Variants in SLC35F3 observed in about 807,000 individuals in gnomAD.
SLC35F3 encodes solute carrier family 35 member F3, also known as putative thiamine transporter SLC35F3.
A neutral mutation model predicts 49.9 loss-of-function variants in SLC35F3; 25 were observed. The observed-to-expected ratio is 0.50, with a 90% CI of 0.37 to 0.70. SLC35F3 has a LOEUF of 0.70. Among genes scored for constraint, SLC35F3 ranks in the 30% least tolerant of loss-of-function variants. The pLI, the probability that SLC35F3 is intolerant of heterozygous loss-of-function variation, is 0.00. For missense variants in SLC35F3, 525 were observed against 639.8 expected (o/e 0.82, Z 1.94); for synonymous variants, 275 against 265.4 (o/e 1.04, Z -0.35).
At chr1:234,045,791 TTG>T (rs1479901151) in intron 2 of SLC35F3, among the ~76,000 whole-genome samples, 1 of 152,040 alleles carries the variant, frequency 6.6e-6, no homozygotes, top group African/African-American at 2.4e-5. Context: ...CTATTGTAAA[TTG>T]TGTGTTTATC....
At position 234,165,478 on chromosome 1, in the gene SLC35F3, G is replaced by A. The variant is rs144929908; in HGVS notation, c.284-65939G>A. On this transcript the variant is annotated intron_variant, in intron 2 of 7. Transcript: ENST00000366618. ...ATTCAAAAGAATTCAACATGAACAAGTTATACATTAGAAAATATATTCATA... is the reference window on the plus strand; with the variant it reads ...ATTCAAAAGAATTCAACATGAACAAATTATACATTAGAAAATATATTCATA... Among the ~76,000 whole-genome samples, 134 of 152,284 alleles carry A rather than the reference G, an allele frequency of 8.8e-4. 2 individuals are homozygous for A. The East Asian group carries it at 0.022, about 25-fold the overall frequency.
intron 3 of SLC35F3, among the ~76,000 whole-genome samples, chr1:234,258,691 A>AGGTTG (rs1238355779): frequency 6.6e-6 from 1 of 152,246 alleles, no homozygotes; most frequent in Non-Finnish European, 1.5e-5. Flanking sequence ...AATGAGCAAG[A>AGGTTG]GGTTGTGAGG....
At chr1:234,019,181 T>C (rs1413697853) in intron 2 of SLC35F3, among the ~76,000 whole-genome samples, 1 of 152,142 alleles carries the variant, frequency 6.6e-6, no homozygotes, top group Non-Finnish European at 1.5e-5. Flanking sequence ...GGTAGTGAAC[T>C]CACTATCACT....
In SLC35F3 at chr1:234,323,041, A is replaced by T; in HGVS notation, c.1271A>T (p.Asn424Ile). Residue 424 changes from asparagine to isoleucine, a missense_variant, in exon 8 of 8, where the codon AAT becomes ATT. Physicochemically the swap from Asn to Ile is moderately radical, Grantham distance 149. Transcript: ENST00000366618. This position sits in a 1 kb window ranked among gnomAD's most constrained non-coding sequence, Gnocchi z 4.5. The stretch of plus-strand genomic sequence containing the variant: ...CACTACACCAGTCAGATCGTCTTCA[A>T]TGGGGTCCGGGTCATCGCCATCATC... ...IDHYTSQIVFNGVRVIAIIII... is the reference protein window; with the variant it reads ...IDHYTSQIVFIGVRVIAIIII... 1 of 1,614,018 alleles carries T rather than the reference A, an allele frequency of 6.2e-7. No individual in the cohort carries two copies. The highest frequency in any genetic ancestry group is 8.5e-7 in the Non-Finnish European group (1 of 1,180,022).
At chr1:234,215,526 A>T (rs1032657991) in intron 2 of SLC35F3, among the ~76,000 whole-genome samples, 1 of 152,134 alleles carries the variant, frequency 6.6e-6, no homozygotes, top group Non-Finnish European at 1.5e-5. Flanking sequence ...GCTCCCCTCT[A>T]GGCTTTTGCT....
intron 2 of SLC35F3, among the ~76,000 whole-genome samples, chr1:234,158,612 A>G (rs1666184852): frequency 6.6e-6 from 1 of 152,182 alleles, no homozygotes; most frequent in African/African-American, 2.4e-5. Context: ...CTAGTTTTTC[A>G]TGATCATAAG....
At chr1:233,923,406 G>A (rs1278890526) in intron 2 of SLC35F3, among the ~76,000 whole-genome samples, 1 of 152,146 alleles carries the variant, frequency 6.6e-6, no homozygotes, top group Non-Finnish European at 1.5e-5. Flanking sequence ...TCTCTTTGAA[G>A]CAATTGTGAA....
intron 2 of SLC35F3, among the ~76,000 whole-genome samples, chr1:233,960,008 C>A (rs1487483511): frequency 6.6e-6 from 1 of 152,148 alleles, no homozygotes; most frequent in African/African-American, 2.4e-5. Context: ...AGTGTGTTTC[C>A]TCTTCAGCAC....
intron 2 of SLC35F3, among the ~76,000 whole-genome samples, chr1:234,032,288 A>T (rs6693516): frequency 0.24 from 35,808 of 151,928 alleles, 8,555 homozygotes; most frequent in African/African-American, 0.6. Flanking sequence ...TTCACCATTG[A>T]ACTTGTGGTA....
intron 2 of SLC35F3, among the ~76,000 whole-genome samples, chr1:233,951,437 A>G (rs1377902324): frequency 6.6e-6 from 1 of 151,890 alleles, no homozygotes; most frequent in East Asian, 1.9e-4. Flanking sequence ...TGCCCTCTAC[A>G]GGTGTACCTT....
chr1:234,148,127 C>T (rs1487011832), intron 2 of SLC35F3, among the ~76,000 whole-genome samples: 1 of 152,180 alleles, frequency 6.6e-6, no homozygotes, highest in Non-Finnish European at 1.5e-5. Context: ...CCAAGTTATC[C>T]CTTCCTGTAC....
chr1:233,981,198 C>T (rs1663176306), intron 2 of SLC35F3, among the ~76,000 whole-genome samples: 1 of 152,110 alleles, frequency 6.6e-6, no homozygotes, highest in African/African-American at 2.4e-5. Context: ...AAGATTTCAT[C>T]AGTTTTATGT....
intron 2 of SLC35F3, among the ~76,000 whole-genome samples, chr1:234,187,705 T>TGTCTACA (rs1442967934): frequency 6.6e-6 from 1 of 152,160 alleles, no homozygotes; most frequent in East Asian, 1.9e-4. Flanking sequence ...TGTAGACACC[T>TGTCTACA]GAGTGAACTA....
chr1:234,039,683 C>T (rs1664192480), intron 2 of SLC35F3, among the ~76,000 whole-genome samples: 1 of 152,172 alleles, frequency 6.6e-6, no homozygotes, highest in African/African-American at 2.4e-5. Flanking sequence ...TCATGGAACC[C>T]ATGACAGGGG....
At chr1:233,924,326 G>A (rs1160159890) in intron 2 of SLC35F3, among the ~76,000 whole-genome samples, 3 of 152,218 alleles carry the variant, frequency 2.0e-5, no homozygotes, top group Non-Finnish European at 4.4e-5. Context: ...TTCAGAGCCT[G>A]TTATTGGTCT....
At chr1:234,260,681 A>G (rs1251776116) in intron 3 of SLC35F3, among the ~76,000 whole-genome samples, 1 of 152,156 alleles carries the variant, frequency 6.6e-6, no homozygotes, top group Non-Finnish European at 1.5e-5. Flanking sequence ...CATCTTTTTC[A>G]TCTATAGAAG....
intron 2 of SLC35F3, among the ~76,000 whole-genome samples, chr1:234,089,923 T>G (rs774313777): frequency 1.3e-5 from 2 of 152,124 alleles, no homozygotes; most frequent in Non-Finnish European, 2.9e-5. Flanking sequence ...CCAAGATAAC[T>G]CCACAGGCCC....
At chr1:233,937,076 T>C (rs1662347029) in intron 2 of SLC35F3, among the ~76,000 whole-genome samples, 1 of 152,160 alleles carries the variant, frequency 6.6e-6, no homozygotes, top group Non-Finnish European at 1.5e-5. Flanking sequence ...CACTCCCATC[T>C]ACCCCCATGA....
At chr1:234,182,321 T>C (rs908413125) in intron 2 of SLC35F3, among the ~76,000 whole-genome samples, 1 of 152,248 alleles carries the variant, frequency 6.6e-6, no homozygotes, top group African/African-American at 2.4e-5. Context: ...ATCTCTTGTA[T>C]GACAACATGT....
Sources: allele counts gnomAD v4.1 joint callset (sites outside exome capture counted in the v4.1 genomes callset), GRCh38; gene constraint gnomAD v4.1.1; non-coding constraint Gnocchi (gnomAD v3.1); transcripts MANE v1.5; gene names NCBI Gene and HGNC (gene_info 2026-07-23, HGNC 2026-07-21).